The following CUX1 variants were observed in gnomAD, a reference collection of about 807,000 sequenced individuals.
CUX1 encodes the protein cut like homeobox 1.
A neutral mutation model predicts 158.8 loss-of-function variants in CUX1; 31 were observed. That is an observed-to-expected ratio of 0.20 (90% confidence interval 0.15 to 0.26). CUX1 has a LOEUF of 0.26. Ranked by LOEUF, CUX1 falls within the 10% of genes least tolerant of loss-of-function variation. The probability of loss-of-function intolerance (pLI) is 1.00; values close to 1 mark genes in which losing one functional copy is unlikely to be tolerated. For missense variants in CUX1, 1,589 were observed against 2,014.6 expected, an observed-to-expected ratio of 0.79 and a Z score of 4.04; for synonymous variants, 879 against 862.1, an observed-to-expected ratio of 1.02 and a Z score of -0.34.
At chr7:102,216,741 C>T (rs1206673474) in intron 20 of CUX1, among the ~76,000 whole-genome samples, 8 of 147,634 alleles carry the variant, frequency 5.4e-5, no homozygotes, top group African/African-American at 1.8e-4. Flanking sequence ...GAGTCCCACA[C>T]ACACTTCTGC....
At chr7:102,109,519 C>T (rs904477397) in intron 6 of CUX1, among the ~76,000 whole-genome samples, 4 of 152,124 alleles carry the variant, frequency 2.6e-5, no homozygotes, top group Non-Finnish European at 5.9e-5. Flanking sequence ...CGAGGTGGCT[C>T]ATGCCTGCAA....
At chr7:101,883,205 T>C (rs1209360095) in intron 1 of CUX1, among the ~76,000 whole-genome samples, 1 of 152,220 alleles carries the variant, frequency 6.6e-6, no homozygotes, top group Non-Finnish European at 1.5e-5. Flanking sequence ...TTGATGATTA[T>C]TATTCTTTTA....
intron 2 of CUX1, among the ~76,000 whole-genome samples, chr7:101,934,847 T>A (rs1806728294): frequency 1.3e-5 from 2 of 152,106 alleles, no homozygotes; most frequent in African/African-American, 2.4e-5. Flanking sequence ...AAGTAAACTT[T>A]CGGGTTTTTT....
intron 9 of CUX1, 38 bp from the exon 10 acceptor site, chr7:102,170,408 A>C: frequency 7.2e-7 from 1 of 1,389,742 alleles, no homozygotes; most frequent in Non-Finnish European, 1.0e-6. Context: ...TGTTAAACTG[A>C]ATGTACTTTC....
chr7:102,017,363 A>G (rs1408013484), intron 2 of CUX1, among the ~76,000 whole-genome samples: 2 of 151,700 alleles, frequency 1.3e-5, no homozygotes, highest in African/African-American at 4.8e-5. Context: ...GTCCACAAGT[A>G]TTCACTGTGT....
At chr7:101,855,522 G>A (rs922277811) in intron 1 of CUX1, among the ~76,000 whole-genome samples, 2 of 152,198 alleles carry the variant, frequency 1.3e-5, no homozygotes, top group African/African-American at 4.8e-5. Flanking sequence ...ATATTTTCAC[G>A]TATTTTAGAA....
At chr7:101,816,560 C>A (rs1157474134), upstream of CUX1, among the ~76,000 whole-genome samples, 1 of 141,524 alleles carries the variant, frequency 7.1e-6, no homozygotes, top group South Asian at 2.2e-4. Context: ...GGCCGCGGCC[C>A]GGCGGTGGCG....
rs1443346124 is a variant in CUX1 at position 102,250,059 on chromosome 7, A to T, written c.*1017A>T. On this transcript the variant is annotated 3_prime_UTR_variant, in exon 24 of 24. Coordinates refer to ENST00000292535, the MANE Select transcript of CUX1 (RefSeq NM_181552.4). ...AAATCAGGACAAAAAAAAGAAAAAA[A>T]AAGAAAAAAAAAAAAGAAAAGATCC... 1 of 979,564 alleles carries T rather than the reference A, an allele frequency of 1.0e-6. No homozygotes were observed. The highest frequency in any genetic ancestry group is 1.1e-4 in the East Asian group (1 of 8,774). The allele number at this position is 979,564 out of a possible 1,614,324, so 60.7% of individuals were successfully genotyped here.
At chr7:101,915,888 G>A (rs1441518544) in intron 1 of CUX1, among the ~76,000 whole-genome samples, 1 of 152,152 alleles carries the variant, frequency 6.6e-6, no homozygotes, top group Admixed American at 6.5e-5. Flanking sequence ...GATGTTGAAC[G>A]AGCTTGGTTT....
chr7:101,840,680 T>C (rs1371098198), intron 1 of CUX1, among the ~76,000 whole-genome samples: 1 of 152,126 alleles, frequency 6.6e-6, no homozygotes, highest in Non-Finnish European at 1.5e-5. Flanking sequence ...TCTTATTCAG[T>C]TGGAATTGAG....
intron 17 of CUX1, among the ~76,000 whole-genome samples, chr7:102,200,811 C>G (rs1167120565): frequency 6.6e-6 from 1 of 151,756 alleles, no homozygotes; most frequent in Non-Finnish European, 1.5e-5. Flanking sequence ...GGGAGGATGA[C>G]TTGAGTTCAG....
At position 102,197,020 on chromosome 7, in the gene CUX1, A is replaced by T; in HGVS notation, c.1609A>T (p.Ser537Cys). 1 of 1,614,202 alleles carries T rather than the reference A, an allele frequency of 6.2e-7. No homozygotes were observed. The highest frequency in any genetic ancestry group is 2.2e-5 in the East Asian group (1 of 44,890). ...PDVNGMAPSP[S>C]QSESAGSVSE... ...TGTCAATGGCATGGCCCCATCCCCC[A>T]GCCAGTCAGAAAGTGCTGGGAGCGT... Residue 537 changes from serine (S) to cysteine (C), a missense_variant, in exon 15 of 24, where the codon AGC becomes TGC. By Grantham distance (112) the Ser-to-Cys change is moderately radical. Around this residue, in one of 8 missense-constraint regions of CUX1, gnomAD observed 515 missense variants for 574.4 expected, o/e 0.90. Transcript: ENST00000292535.
chr7:102,274,770 G>C (rs988089949), intron 16 of CUX1, among the ~76,000 whole-genome samples: 1 of 152,260 alleles, frequency 6.6e-6, no homozygotes, highest in Non-Finnish European at 1.5e-5. Context: ...AGTGCAGCCG[G>C]AGGTCCGTGC....
At chr7:102,109,048 C>CA (rs1366401206) in intron 6 of CUX1, among the ~76,000 whole-genome samples, 2 of 152,072 alleles carry the variant, frequency 1.3e-5, no homozygotes, top group African/African-American at 2.4e-5. Flanking sequence ...TTCTTTATAA[C>CA]AAAAAATTGT....
chr7:101,969,359 C>CAAAAAAAAAAAAAAAAAAAAAAAAG (rs1811650982), intron 2 of CUX1, among the ~76,000 whole-genome samples: 12 of 56,114 alleles, frequency 2.1e-4, no homozygotes, highest in Middle Eastern at 0.013. Context: ...CAAAAAACAG[C>CAAAAAAAAAAAAAAAAAAAAAAAAG]AAAAAAAAAA....
chr7:102,201,892 C>T lies in CUX1; in HGVS notation c.2595C>T (p.Ala865=), dbSNP rs138629986. Residue 865 remains alanine, a synonymous_variant, in exon 18 of 24, where the codon GCC becomes GCT. Transcript: ENST00000292535. The surrounding 1 kb of genome is among the most constrained non-coding windows in gnomAD (Gnocchi z 5.0). ...GGSGGGSQPR[A]ERSQLQGPSS... ...GCGGAGGTGGCAGCCAGCCTCGGGC[C>T]GAGCGCAGTCAGCTCCAGGGACCCT... is the stretch of plus-strand genomic sequence containing the variant. 23 of 1,613,666 alleles carry T rather than the reference C, an allele frequency of 1.4e-5. No individual in the cohort carries two copies. The African/African-American group carries it at 1.6e-4, about 11-fold the overall frequency.
chr7:102,245,801 G>A (rs962166053), intron 23 of CUX1, among the ~76,000 whole-genome samples: 8 of 151,888 alleles, frequency 5.3e-5, no homozygotes, highest in East Asian at 1.9e-4. Context: ...GTGAAACCCC[G>A]TCTCTATTAA....
rs1043451629 is a variant in CUX1, at chr7:102,249,934, C to T, written c.*892C>T. The T allele has an allele frequency of 1.0e-6, 1 of 985,396 alleles. No individual in the cohort carries two copies. The highest frequency in any genetic ancestry group is 1.2e-6 in the Non-Finnish European group (1 of 829,874). The allele number at this position is 985,396 out of a possible 1,614,324, so 61.0% of individuals were successfully genotyped here. On this transcript the variant is annotated 3_prime_UTR_variant, in exon 24 of 24. Coordinates refer to ENST00000292535, the MANE Select transcript of CUX1 (RefSeq NM_181552.4). ...GTAGCTGACATAGTGTTTTCTTGTA[C>T]GTGAATAGAATCCTGACATGTAGTG... is the stretch of plus-strand genomic sequence containing the variant.
At chr7:102,273,527 A>C (rs2974957) in intron 15 of CUX1, 1,371,641 of 1,582,654 alleles carry the variant, frequency 0.87, 595,600 homozygotes, top group East Asian at 0.97. Context: ...GCCCATCTCG[A>C]TACCTGCCCA....
Sources: gnomAD v4.1 joint callset for allele counts (sites outside exome capture counted in the v4.1 genomes callset) on GRCh38, gnomAD v4.1.1 for gene constraint, gnomAD v4.1.1 regional missense constraint, Gnocchi (gnomAD v3.1) non-coding constraint, MANE v1.5 for transcripts, NCBI Gene and HGNC (gene_info 2026-07-23, HGNC 2026-07-21) for gene names.